Variants in HSPA12A observed in about 807,000 individuals in gnomAD.
HSPA12A encodes the protein heat shock 70 kDa protein 12A.
HSPA12A carries 28 observed loss-of-function variants against 69.2 expected under a neutral mutation model. The ratio of observed to expected loss-of-function variants is 0.40; its 90% confidence interval spans 0.30 to 0.55. HSPA12A has a LOEUF of 0.55. Ranked by LOEUF, HSPA12A falls within the 20% of genes least tolerant of loss-of-function variation. The probability of loss-of-function intolerance (pLI) is 0.38; values close to 1 mark genes in which losing one functional copy is unlikely to be tolerated. For synonymous variants in HSPA12A, 345 were observed against 370.5 expected (o/e 0.93, Z 0.79); for missense variants, 686 against 900.7 (o/e 0.76, Z 3.05).
At chr10:116,724,934 C>T (rs890526469) in intron 1 of HSPA12A, among the ~76,000 whole-genome samples, 2 of 152,188 alleles carry the variant, frequency 1.3e-5, no homozygotes, top group South Asian at 2.1e-4. Flanking sequence ...CAACTCTCTG[C>T]CTGGCAATCT....
Position 116,679,619 on chromosome 10 carries a change from T to C in HSPA12A, c.1170A>G (p.Lys390=), listed in dbSNP as rs1849345124. 6.2e-7 allele frequency: 1 copy of C among 1,614,136 alleles called. No individual in the cohort carries two copies. The highest frequency in any genetic ancestry group is 8.5e-7 in the Non-Finnish European group (1 of 1,180,056). ...TAGTTCTGTCTGGGGCAGCCGCCCTTTTGCGAGACTCAAACGCAATCATTA... is the reference window on the plus strand; with the variant it reads ...TAGTTCTGTCTGGGGCAGCCGCCCTCTTGCGAGACTCAAACGCAATCATTA... ...VDLMIAFESR[K]RAAAPDRTNP... is the part of the protein sequence containing the mutation. Residue 390 remains lysine, a synonymous_variant, in exon 10 of 12, where the codon AAA becomes AAG. Transcript: ENST00000369209.
Position 116,742,497 on chromosome 10 carries a change from A to G in HSPA12A, c.-28T>C. On this transcript the variant is annotated 5_prime_UTR_variant, in exon 1 of 12. Transcript: ENST00000369209. ...TCGCGCAGCCCCGGACCGCGAGGGG[A>G]GCCTCCAGCGCAGCGCCCGTGCCCG... 1.5e-6 allele frequency: 2 copies of G among 1,319,976 alleles called. No homozygotes were observed. The highest frequency in any genetic ancestry group is 1.9e-6 in the Non-Finnish European group (2 of 1,034,328). 81.8% of individuals were successfully genotyped at this position (1,319,976 alleles called of 1,614,324 possible).
At position 116,795,257 on chromosome 10, in the gene HSPA12A, G is replaced by C. The variant is rs572971843; in HGVS notation, c.91+39678C>G. Among the ~76,000 whole-genome samples the C allele has an allele frequency of 6.6e-5, 10 of 152,306 alleles. No homozygotes were observed. The South Asian group carries it at 2.1e-3, about 32-fold the overall frequency. ...TGCTAGGCTGTCTTCCAATAGTACA[G>C]AGGATGATTTTCAGTGTACTTGGGC... is the stretch of plus-strand genomic sequence containing the variant. On this transcript the variant is annotated intron_variant, in intron 2 of 12. Transcript: ENST00000635765.
chr10:116,849,847 G>A, upstream of HSPA12A: 1 of 1,210,932 alleles, frequency 8.3e-7, no homozygotes, highest in Non-Finnish European at 1.2e-6. Context: ...AGCCGCCCGG[G>A]CCCTGGGCCT....
At chr10:116,826,951 G>C (rs1845518980) in intron 2 of HSPA12A, among the ~76,000 whole-genome samples, 1 of 152,198 alleles carries the variant, frequency 6.6e-6, no homozygotes, top group Admixed American at 6.5e-5. Context: ...CTGGGTATTA[G>C]AGGAATCACG....
chr10:116,781,462 G>A (rs1844461608), intron 2 of HSPA12A, among the ~76,000 whole-genome samples: 2 of 152,148 alleles, frequency 1.3e-5, no homozygotes, highest in South Asian at 4.1e-4. Context: ...ACCCCTGGGG[G>A]AAGCACTTGT....
chr10:116,789,545 G>A (rs146478062), intron 2 of HSPA12A, among the ~76,000 whole-genome samples: 1 of 152,202 alleles, frequency 6.6e-6, no homozygotes, highest in African/African-American at 2.4e-5. Context: ...GCTGAATAAT[G>A]CCCTGTTGGT....
intron 1 of HSPA12A, among the ~76,000 whole-genome samples, chr10:116,845,592 T>C (rs1845867904): frequency 1.3e-5 from 2 of 152,056 alleles, no homozygotes; most frequent in Admixed American, 1.3e-4. Context: ...ACACTCTAAA[T>C]CTCCTGAGCC....
chr10:116,723,056 C>T lies in HSPA12A; in HGVS notation c.41-15771G>A, dbSNP rs1285984898. 6.6e-6 allele frequency among the ~76,000 whole-genome samples: 1 copy of T among 152,162 alleles called. No individual in the cohort carries two copies. Among genetic ancestry groups the T allele is most frequent in the Admixed American group, 6.5e-5 (1 of 15,280 alleles). ...AGCCTTATACTCTCCCAGCTGGTGT[C>T]ACTGCCTCCAGGCTGTCCCACTGGA... is the stretch of plus-strand genomic sequence containing the variant. On this transcript the variant is annotated intron_variant, in intron 1 of 11. Coordinates refer to ENST00000369209, the MANE Select transcript of HSPA12A (RefSeq NM_025015.3). This position sits in a 1 kb window ranked among gnomAD's most constrained non-coding sequence, Gnocchi z 4.1.
At chr10:116,775,703 C>G (rs1665664) in intron 2 of HSPA12A, among the ~76,000 whole-genome samples, 150,872 of 152,252 alleles carry the variant, frequency 0.99, 74,774 homozygotes, top group Middle Eastern at 1. Flanking sequence ...AGGAAACACT[C>G]AGGCCAGGGG....
At chr10:116,750,199 T>A in intron 2 of HSPA12A, 1 of 698,298 alleles carries the variant, frequency 1.4e-6, no homozygotes, top group Non-Finnish European at 2.6e-6. Flanking sequence ...CGGCACATTG[T>A]CCTGGCCTGC....
intron 1 of HSPA12A, among the ~76,000 whole-genome samples, chr10:116,848,581 C>T (rs1305345735): frequency 1.1e-4 from 16 of 152,100 alleles, no homozygotes. Context: ...ACACCCTGTC[C>T]GTCGCCGCCC....
At chr10:116,735,580 G>A (rs1446323554) in intron 1 of HSPA12A, among the ~76,000 whole-genome samples, 7 of 152,174 alleles carry the variant, frequency 4.6e-5, no homozygotes, top group Admixed American at 3.3e-4. Context: ...CTGTGAGCGA[G>A]GTCATCTTGG....
At chr10:116,720,151 G>A (rs762247346) in intron 1 of HSPA12A, among the ~76,000 whole-genome samples, 8 of 152,168 alleles carry the variant, frequency 5.3e-5, no homozygotes, top group Admixed American at 1.3e-4. Context: ...ACAAATCAAA[G>A]AGCTGCTAGA....
chr10:116,778,777 T>G (rs1844397243), intron 2 of HSPA12A, among the ~76,000 whole-genome samples: 2 of 151,664 alleles, frequency 1.3e-5, no homozygotes, highest in Non-Finnish European at 2.9e-5. Flanking sequence ...TAAAACAAAA[T>G]AAAATAAATT....
chr10:116,843,059 G>A (rs1217716104), intron 1 of HSPA12A, among the ~76,000 whole-genome samples: 1 of 152,096 alleles, frequency 6.6e-6, no homozygotes, highest in South Asian at 2.1e-4. Flanking sequence ...AGTATCTTTT[G>A]GTCTTCAGTG....
At chr10:116,695,539 G>T (rs539369274) in intron 5 of HSPA12A, among the ~76,000 whole-genome samples, 1 of 151,076 alleles carries the variant, frequency 6.6e-6, no homozygotes, top group Non-Finnish European at 1.5e-5. Flanking sequence ...AAAATTGGCC[G>T]GGCGCGGTGG....
chr10:116,743,113 C>T (rs1052894314), upstream of HSPA12A, among the ~76,000 whole-genome samples: 2 of 152,210 alleles, frequency 1.3e-5, no homozygotes, highest in South Asian at 2.1e-4. Context: ...GGGCCGAGCC[C>T]GGGGCACCGC....
upstream of HSPA12A, among the ~76,000 whole-genome samples, chr10:116,745,804 A>G (rs116393170): frequency 6.6e-6 from 1 of 151,594 alleles, no homozygotes; most frequent in African/African-American, 2.4e-5. Flanking sequence ...TCTGTGCCCA[A>G]CCCCCCATCA....
Sources: allele counts gnomAD v4.1 joint callset (sites outside exome capture counted in the v4.1 genomes callset), GRCh38; gene constraint gnomAD v4.1.1; non-coding constraint Gnocchi (gnomAD v3.1); transcripts MANE v1.5; gene names NCBI Gene and HGNC (gene_info 2026-07-23, HGNC 2026-07-21).